Variants in MMP26 observed in about 807,000 individuals in gnomAD.
MMP26 encodes the protein matrix metallopeptidase 26, also known as matrix metalloproteinase-26.
A neutral mutation model predicts 31.0 loss-of-function variants in MMP26; 33 were observed. The observed-to-expected ratio is 1.06, with a 90% CI of 0.81 to 1.42. MMP26 has a LOEUF of 1.42. Ranked by LOEUF, MMP26 falls within the 40% of genes most tolerant of loss-of-function variation. The pLI, the probability that MMP26 is intolerant of heterozygous loss-of-function variation, is 0.00. For synonymous variants in MMP26, 122 were observed against 114.9 expected (o/e 1.06, Z -0.40); for missense variants, 347 against 316.1 (o/e 1.10, Z -0.74).
chr11:4,913,148 T>C (rs551420498), intron 2 of MMP26: 1 of 152,334 alleles, frequency 6.6e-6, no homozygotes, highest in African/African-American at 2.4e-5. Context: ...TGTGGCTAAA[T>C]AAGCTCTTTT....
intron 1 of MMP26, among the ~76,000 whole-genome samples, chr11:4,716,650 CTTTT>C (rs71050424): frequency 3.1e-5 from 2 of 65,042 alleles, no homozygotes; most frequent in African/African-American, 6.8e-5. Context: ...TCTCTTACCT[CTTTT>C]TTTTTTTTTT....
chr11:4,963,866 G>A (rs549269216), intron 2 of MMP26, among the ~76,000 whole-genome samples: 14 of 152,272 alleles, frequency 9.2e-5, no homozygotes, highest in African/African-American at 2.9e-4. Context: ...CTAATGATCA[G>A]TGAGGTTGAG....
intron 2 of MMP26, among the ~76,000 whole-genome samples, chr11:4,802,950 G>A (rs1849203543): frequency 6.6e-6 from 1 of 151,944 alleles, no homozygotes; most frequent in African/African-American, 2.4e-5. Context: ...TTTATATTTT[G>A]TTTTTATAAG....
At chr11:4,740,588 C>T (rs915900237) in intron 1 of MMP26, among the ~76,000 whole-genome samples, 4 of 150,770 alleles carry the variant, frequency 2.7e-5, no homozygotes, top group Middle Eastern at 3.4e-3. Context: ...GAGGCCGAGG[C>T]AGGAGAATCT....
chr11:4,924,688 C>A (rs535807390), intron 2 of MMP26, among the ~76,000 whole-genome samples: 5 of 152,174 alleles, frequency 3.3e-5, no homozygotes, highest in Admixed American at 3.3e-4. Flanking sequence ...AATAGCAGGG[C>A]AGTTAAGCCA....
intron 2 of MMP26, among the ~76,000 whole-genome samples, chr11:4,825,513 C>A (rs1198544266): frequency 6.6e-6 from 1 of 152,050 alleles, no homozygotes; most frequent in South Asian, 2.1e-4. Flanking sequence ...AGTTGGATGT[C>A]CCAATCTGAT....
intron 2 of MMP26, among the ~76,000 whole-genome samples, chr11:4,799,236 G>T (rs1388476817): frequency 1.3e-5 from 2 of 152,142 alleles, no homozygotes; most frequent in Non-Finnish European, 1.5e-5. Flanking sequence ...AATTGGCTCA[G>T]GCTGCAGACT....
In MMP26 at chr11:4,869,371, GA is replaced by G. The variant is rs545524942; in HGVS notation, c.-145+102036del. On this transcript the variant is annotated intron_variant, in intron 2 of 7. Transcript: ENST00000380390. ...ACAAAGAACTTAAACAAATTTACAA[GA>G]AAAAATAAAACAGCCCCATCAAAAA... Among the ~76,000 whole-genome samples, 80 of 152,160 alleles carry G rather than the reference GA, an allele frequency of 5.3e-4. 1 individual carries two copies. The South Asian group carries it at 0.016, about 31-fold the overall frequency.
chr11:4,758,005 C>T (rs1848525439), intron 1 of MMP26, among the ~76,000 whole-genome samples: 1 of 152,112 alleles, frequency 6.6e-6, no homozygotes, highest in Non-Finnish European at 1.5e-5. Flanking sequence ...ACTCCTTGGA[C>T]TCTACCAAAG....
intron 2 of MMP26, among the ~76,000 whole-genome samples, chr11:4,918,882 C>T (rs1174941750): frequency 2.0e-5 from 3 of 152,192 alleles, no homozygotes; most frequent in African/African-American, 4.8e-5. Context: ...CTATCCATCT[C>T]CTTGTTTCTT....
At chr11:4,743,020 G>T (rs979625564) in intron 1 of MMP26, among the ~76,000 whole-genome samples, 9 of 152,008 alleles carry the variant, frequency 5.9e-5, no homozygotes, top group Non-Finnish European at 8.8e-5. Context: ...TTTGTTAAAA[G>T]CTCCATTATG....
intron 2 of MMP26, among the ~76,000 whole-genome samples, chr11:4,825,850 T>G (rs1021457476): frequency 6.6e-6 from 1 of 152,138 alleles, no homozygotes; most frequent in Non-Finnish European, 1.5e-5. Flanking sequence ...AATAAGATGA[T>G]AGAAAACACC....
intron 2 of MMP26, chr11:4,882,624 CT>C: frequency 6.2e-7 from 1 of 1,613,984 alleles, no homozygotes; most frequent in Non-Finnish European, 8.5e-7. Context: ...GCTCTCAGCA[CT>C]TGTGTCTGTC....
intron 1 of MMP26, among the ~76,000 whole-genome samples, chr11:4,721,460 C>A (rs551213739): frequency 5.4e-4 from 82 of 152,312 alleles, no homozygotes; most frequent in Non-Finnish European, 8.8e-4. Flanking sequence ...TCCACCACTT[C>A]AGGTCTCCTG....
intron 2 of MMP26, among the ~76,000 whole-genome samples, chr11:4,974,466 C>G (rs1194830585): frequency 6.6e-6 from 1 of 151,806 alleles, no homozygotes; most frequent in Non-Finnish European, 1.5e-5. Flanking sequence ...CGTTGTCATT[C>G]TTTATAGAGG....
intron 2 of MMP26, among the ~76,000 whole-genome samples, chr11:4,931,789 T>C (rs1851351260): frequency 6.6e-6 from 1 of 152,050 alleles, no homozygotes; most frequent in Non-Finnish European, 1.5e-5. Context: ...ATGGCATTTT[T>C]CTTAGAAAGG....
intron 2 of MMP26, among the ~76,000 whole-genome samples, chr11:4,901,669 G>T (rs556426684): frequency 1.3e-5 from 2 of 151,968 alleles, no homozygotes; most frequent in Admixed American, 1.3e-4. Flanking sequence ...AGAGGCTGTC[G>T]CAATTTTTCC....
chr11:4,942,273 A>G (rs544603571), intron 2 of MMP26, among the ~76,000 whole-genome samples: 1 of 151,670 alleles, frequency 6.6e-6, no homozygotes, highest in African/African-American at 2.4e-5. Context: ...ATTATACTAC[A>G]TTTGTTTGTT....
chr11:4,759,111 CAAA>C (rs989730402), intron 1 of MMP26, among the ~76,000 whole-genome samples: 2 of 43,204 alleles, frequency 4.6e-5, no homozygotes, highest in African/African-American at 8.2e-5. Flanking sequence ...CATTCCATCT[CAAA>C]AAAAAAAAAA....
Sources: gnomAD v4.1 joint callset for allele counts (sites outside exome capture counted in the v4.1 genomes callset) on GRCh38, gnomAD v4.1.1 for gene constraint, MANE v1.5 for transcripts, NCBI Gene and HGNC (gene_info 2026-07-23, HGNC 2026-07-21) for gene names.